MAP3K1: variants seen among roughly 807,000 people sequenced by gnomAD.
MAP3K1 encodes the protein mitogen-activated protein kinase kinase kinase 1.
A neutral mutation model predicts 144.2 loss-of-function variants in MAP3K1; 36 were observed. That is an observed-to-expected ratio of 0.25 (90% confidence interval 0.19 to 0.33). The LOEUF is 0.33. Ranked by LOEUF, MAP3K1 falls within the 10% of genes least tolerant of loss-of-function variation. The pLI, the probability that MAP3K1 is intolerant of heterozygous loss-of-function variation, is 1.00. For synonymous variants in MAP3K1, 718 were observed against 688.7 expected, an observed-to-expected ratio of 1.04 and a Z score of -0.67; for missense variants, 1,650 against 1,881.9, an observed-to-expected ratio of 0.88 and a Z score of 2.28.
intron 1 of MAP3K1, among the ~76,000 whole-genome samples, chr5:56,853,909 C>T (rs1747254116): frequency 6.6e-6 from 1 of 151,988 alleles, no homozygotes; most frequent in South Asian, 2.1e-4. Context: ...GGGGGAACCA[C>T]TAGAGCATTT....
In MAP3K1 at chr5:56,856,684, G is replaced by A. The variant is rs765449441; in HGVS notation, c.567G>A (p.Leu189=). The A allele has an allele frequency of 6.2e-7, 1 of 1,614,040 alleles. No individual in the cohort carries two copies. The highest frequency in any genetic ancestry group is 8.5e-7 in the Non-Finnish European group (1 of 1,179,936). Residue 189 remains leucine, a synonymous_variant, in exon 2 of 20, where the codon CTG becomes CTA. Transcript: ENST00000399503. ...RPEERMIREK[L]KATCMPAWKH... ...AGGAACGAATGATCAGGGAGAAACTGAAGGCAACCTGTATGCCAGCCTGGA... is the reference window on the plus strand; with the variant it reads ...AGGAACGAATGATCAGGGAGAAACTAAAGGCAACCTGTATGCCAGCCTGGA...
chr5:56,817,890 A>G (rs1746027855), intron 1 of MAP3K1, among the ~76,000 whole-genome samples: 1 of 152,196 alleles, frequency 6.6e-6, no homozygotes, highest in Admixed American at 6.5e-5. Context: ...ACACAAAATA[A>G]GAGGACTAAG....
rs868568940 is a variant in MAP3K1, at chr5:56,869,856, C to T, written c.1302-2054C>T. ...TGCTGTTAATTCTTTGTTACTAATG[C>T]ATGCATAGTCTTGACAGTTTTTCCC... On this transcript the variant is annotated intron_variant, in intron 6 of 19. Coordinates refer to ENST00000399503, the MANE Select transcript of MAP3K1 (RefSeq NM_005921.2). Among the ~76,000 whole-genome samples, 17 of 152,232 alleles carry T rather than the reference C, an allele frequency of 1.1e-4. No individual in the cohort carries two copies. In the South Asian group the frequency reaches 2.3e-3, roughly 20 times the overall value.
chr5:56,843,746 T>C (rs143286137), intron 1 of MAP3K1, among the ~76,000 whole-genome samples: 106 of 152,314 alleles, frequency 7.0e-4, no homozygotes, highest in African/African-American at 2.5e-3. Context: ...GCTGTCTAAA[T>C]AATCTTTTCT....
rs539153799 is a variant in MAP3K1 at position 56,831,377 on chromosome 5, C to T, written c.482+15322C>T. On this transcript the variant is annotated intron_variant, in intron 1 of 19. Transcript: ENST00000399503. The stretch of plus-strand genomic sequence containing the variant: ...GGAAGGTGGCAGAATCCATCGCAAA[C>T]CAGTGAACTCCAAAACCTAATCAGG... Among the ~76,000 whole-genome samples the T allele has an allele frequency of 2.0e-5, 3 of 152,204 alleles. No individual in the cohort carries two copies. In the East Asian group the frequency reaches 5.8e-4, roughly 29 times the overall value.
At chr5:56,883,060 T>C (rs1182100295) in intron 14 of MAP3K1, among the ~76,000 whole-genome samples, 194 bp downstream of exon 14, 1 of 152,114 alleles carries the variant, frequency 6.6e-6, no homozygotes, top group East Asian at 1.9e-4. Context: ...CATGATAGTG[T>C]ACACCTGGGG....
chr5:56,849,927 A>G (rs1170754641), intron 1 of MAP3K1, among the ~76,000 whole-genome samples: 1 of 152,230 alleles, frequency 6.6e-6, no homozygotes, highest in Non-Finnish European at 1.5e-5. Flanking sequence ...CACCTTGAAC[A>G]TGTAACTGAA....
intron 1 of MAP3K1, among the ~76,000 whole-genome samples, chr5:56,843,108 G>T (rs936807634): frequency 2.0e-5 from 3 of 152,238 alleles, no homozygotes; most frequent in African/African-American, 7.2e-5. Context: ...GTTAAAATGG[G>T]GTCATTTTGA....
intron 1 of MAP3K1, chr5:56,820,452 T>C: frequency 1.0e-6 from 1 of 985,074 alleles, no homozygotes; most frequent in East Asian, 1.1e-4. Flanking sequence ...CTCTACCCTG[T>C]GCTAAGTTTG....
At chr5:56,836,080 C>T (rs969521861) in intron 1 of MAP3K1, among the ~76,000 whole-genome samples, 3 of 152,104 alleles carry the variant, frequency 2.0e-5, no homozygotes, top group Admixed American at 6.5e-5. Flanking sequence ...CTAACAAAAA[C>T]GTGTTTGTAA....
chr5:56,845,531 T>G (rs997561559), intron 1 of MAP3K1, among the ~76,000 whole-genome samples: 1 of 152,154 alleles, frequency 6.6e-6, no homozygotes, highest in Non-Finnish European at 1.5e-5. Flanking sequence ...TAGTGTAACG[T>G]CTCTCTAGGT....
At chr5:56,890,702 G>T (rs1179514384) in intron 19 of MAP3K1, among the ~76,000 whole-genome samples, 2 of 152,176 alleles carry the variant, frequency 1.3e-5, no homozygotes, top group Admixed American at 1.3e-4. Context: ...TGTTGGTGTT[G>T]ATTTACAAAG....
chr5:56,862,387 C>T (rs1005081528), intron 3 of MAP3K1, among the ~76,000 whole-genome samples: 12 of 152,132 alleles, frequency 7.9e-5, no homozygotes, highest in Admixed American at 2.6e-4. Context: ...TAGGGAACTA[C>T]ACAAGAATGT....
intron 11 of MAP3K1, 108 bp downstream of exon 11, chr5:56,879,209 T>G (rs908037007): frequency 7.4e-7 from 1 of 1,345,970 alleles, no homozygotes; most frequent in African/African-American, 1.4e-5. Flanking sequence ...AATGAGTCTT[T>G]GAACATTGTC....
Position 56,893,542 on chromosome 5 carries a change from A to T in MAP3K1, c.4401A>T (p.Ala1467=). Residue 1467 remains alanine, a synonymous_variant, in exon 20 of 20, where the codon GCA becomes GCT. Coordinates refer to ENST00000399503, the MANE Select transcript of MAP3K1 (RefSeq NM_005921.2). ...HLALIFKIAS[A]TTAPSIPSHL... ...CTTTTTCTCCACAGATTGCTAGTGC[A>T]ACTACTGCTCCATCGATCCCTTCAC... 1 of 1,613,932 alleles carries T rather than the reference A, an allele frequency of 6.2e-7. No individual in the cohort carries two copies. The highest frequency in any genetic ancestry group is 8.5e-7 in the Non-Finnish European group (1 of 1,179,846).
intron 19 of MAP3K1, among the ~76,000 whole-genome samples, chr5:56,889,454 T>A (rs252900): frequency 0.77 from 117,740 of 152,152 alleles, 45,904 homozygotes; most frequent in Non-Finnish European, 0.82. Context: ...GAGCCACCAC[T>A]CCTGGCCTAA....
At chr5:56,884,263 ACTT>A (rs1331346154) in intron 15 of MAP3K1, among the ~76,000 whole-genome samples, 1 of 152,186 alleles carries the variant, frequency 6.6e-6, no homozygotes, top group African/African-American at 2.4e-5. Flanking sequence ...GTTTTCAGGT[ACTT>A]CTTTCAACAG....
rs56069227 is a variant in MAP3K1, at chr5:56,859,845, A to C, written c.764A>C (p.Asn255Thr). The change falls in exon 3 of 20, where the codon AAC (asparagine) becomes ACC (threonine). Residue 255 changes from asparagine (N) to threonine (T), a missense_variant. By Grantham distance (65) the Asn-to-Thr change is moderately conservative. Coordinates refer to ENST00000399503, the MANE Select transcript of MAP3K1 (RefSeq NM_005921.2). ...GGCCGACGCAGTCCTTCTCCTGGCA[A>C]CTCCCCATCAGGTCGCACAGTGAAA... Reference protein sequence around the residue: ...SKGRRSPSPGNSPSGRTVKSE... With the variant: ...SKGRRSPSPGTSPSGRTVKSE... The C allele has an allele frequency of 2.5e-6, 4 of 1,613,692 alleles. No individual in the cohort carries two copies. The Admixed American group carries it at 6.7e-5, about 27-fold the overall frequency.
At chr5:56,868,745 C>T (rs1275650079) in intron 6 of MAP3K1, among the ~76,000 whole-genome samples, 1 of 152,084 alleles carries the variant, frequency 6.6e-6, no homozygotes, top group Non-Finnish European at 1.5e-5. Flanking sequence ...TTAATGGATA[C>T]TTAAAACAGG....
Sources: gnomAD v4.1 joint callset for allele counts (sites outside exome capture counted in the v4.1 genomes callset) on GRCh38, gnomAD v4.1.1 for gene constraint, MANE v1.5 for transcripts, NCBI Gene and HGNC (gene_info 2026-07-23, HGNC 2026-07-21) for gene names.